The following NT5C1B variants were observed in gnomAD, a reference collection of about 807,000 sequenced individuals.
The protein encoded by NT5C1B is 5'-nucleotidase, cytosolic IB.
In NT5C1B, 44 loss-of-function variants were observed where a neutral mutation model predicts 57.8. That is an observed-to-expected ratio of 0.76 (90% CI 0.60 to 0.98). The LOEUF is 0.98. Among genes scored for constraint, NT5C1B ranks in the 50% least tolerant of loss-of-function variants. The pLI, the probability that NT5C1B is intolerant of heterozygous loss-of-function variation, is 0.00. For missense variants in NT5C1B, 742 were observed against 719.5 expected, an observed-to-expected ratio of 1.03 and a Z score of -0.36; for synonymous variants, 284 against 282.6, an observed-to-expected ratio of 1.00 and a Z score of -0.05.
rs570586550 is a variant in NT5C1B, at chr2:18,581,234, A to G, written c.1021+1634T>C. Among the ~76,000 whole-genome samples, 4 of 152,292 alleles carry G rather than the reference A, an allele frequency of 2.6e-5. No homozygotes were observed. In the South Asian group the frequency reaches 8.3e-4, roughly 32 times the overall value. On this transcript the variant is annotated intron_variant, in intron 6 of 8. Transcript: ENST00000304081. ...CTAGAAAGTGATTTGATGATATGCA[A>G]TATGTATCAAGAGCTTTTAACAGGT... is the stretch of plus-strand genomic sequence containing the variant.
rs77735618 is a variant in NT5C1B, at chr2:18,575,705, G to T, written c.1329+479C>A. ...CAGTTTGATTACATATTCATAATTT[G>T]CACTTGTTTGAGGATCATTATTTGA... On this transcript the variant is annotated intron_variant, in intron 8 of 8. Coordinates refer to ENST00000304081, the Ensembl canonical transcript of NT5C1B. Among the ~76,000 whole-genome samples the T allele has an allele frequency of 7.8e-3, 1,194 of 152,204 alleles. 20 individuals carry two copies. Among genetic ancestry groups the T allele is most frequent in the African/African-American group, 0.027 (1,141 of 41,542 alleles).
At chr2:18,576,239 C>G (rs1359920196) in exon 8 of NT5C1B, 1 of 1,613,616 alleles carries the variant, frequency 6.2e-7, no homozygotes, top group Non-Finnish European at 8.5e-7. Context: ...TTTGTCGAGC[C>G]CATGCTCCTT....
intron 8 of NT5C1B, among the ~76,000 whole-genome samples, chr2:18,570,889 C>T (rs1453891181): frequency 6.6e-6 from 1 of 152,184 alleles, no homozygotes; most frequent in Non-Finnish European, 1.5e-5. Context: ...TCAGCTTTTA[C>T]AAATCCATTA....
chr2:18,587,004 G>A (rs1186048124), intron 2 of NT5C1B: 4 of 1,614,184 alleles, frequency 2.5e-6, no homozygotes, highest in Non-Finnish European at 3.4e-6. Context: ...CCTCATCATG[G>A]TGATCTGCTG....
At chr2:18,576,425 T>C in intron 7 of NT5C1B, 57 bp from the exon 8 acceptor site, 5 of 1,540,644 alleles carry the variant, frequency 3.2e-6, no homozygotes, top group Non-Finnish European at 4.3e-6. Flanking sequence ...TTATAGTTTC[T>C]ACCATTAAAA....
chr2:18,584,695 G>T lies in NT5C1B; in HGVS notation c.542C>A (p.Thr181Asn). 1 of 1,612,362 alleles carries T rather than the reference G, an allele frequency of 6.2e-7. No individual in the cohort carries two copies. Among genetic ancestry groups the T allele is most frequent in the Non-Finnish European group, 8.5e-7 (1 of 1,179,002 alleles). ...GCGCTGGCTGGAGGACTTCCACTCG[G>T]TGGGGGACGTGCGCGAATATTCCAG... The change falls in exon 4 of 9, where the codon ACC becomes AAC. Residue 181 changes from threonine to asparagine, a missense_variant. Physicochemically the swap from Thr to Asn is moderately conservative, Grantham distance 65 (BLOSUM62 0). Transcript: ENST00000304081. This position sits in a 1 kb window ranked among gnomAD's most constrained non-coding sequence, Gnocchi z 5.8.
chr2:18,584,671 C>T lies in NT5C1B; in HGVS notation c.566G>A (p.Arg189His). The change falls in exon 4 of 9, where the codon CGC becomes CAC. Residue 189 changes from arginine to histidine, a missense_variant. By Grantham distance (29) the Arg-to-His change is conservative. Coordinates refer to ENST00000304081, the Ensembl canonical transcript of NT5C1B. The surrounding 1 kb of genome is among the most constrained non-coding windows in gnomAD (Gnocchi z 5.8). ...GGTGGAGGCGGGGTAGATCCCCCTG[C>T]GCTGGCTGGAGGACTTCCACTCGGT... 2 of 1,612,222 alleles carry T rather than the reference C, an allele frequency of 1.2e-6. No homozygotes were observed. Among genetic ancestry groups the T allele is most frequent in the Non-Finnish European group, 8.5e-7 (1 of 1,179,060 alleles).
chr2:18,587,561 C>G, exon 2 of NT5C1B: 1 of 1,613,822 alleles, frequency 6.2e-7, no homozygotes, highest in Non-Finnish European at 8.5e-7. Context: ...TGCTTCTAGA[C>G]TCTCTTTTGA....
chr2:18,572,253 A>C (rs2148112441), intron 8 of NT5C1B, among the ~76,000 whole-genome samples: 1 of 152,306 alleles, frequency 6.6e-6, no homozygotes, highest in Middle Eastern at 3.4e-3. Context: ...AAGGAGGAAA[A>C]ATGAACCACA....
Position 18,589,530 on chromosome 2 carries a change from C to A in NT5C1B, c.-62G>T. 6.2e-7 allele frequency: 1 copy of A among 1,612,332 alleles called. No individual in the cohort carries two copies. Among genetic ancestry groups the A allele is most frequent in the Admixed American group, 1.7e-5 (1 of 59,984 alleles). The stretch of plus-strand genomic sequence containing the variant: ...ATTTTTGTCTCCCCAGCTCCATTTC[C>A]TGTCACTTCCCTTGCTCAGTCTAGC... On this transcript the variant is annotated 5_prime_UTR_variant, in exon 1 of 9. In the 5' UTR this introduces an upstream ATG that the reference lacks. Coordinates refer to ENST00000304081, the Ensembl canonical transcript of NT5C1B.
At chr2:18,586,968 G>T in intron 2 of NT5C1B, 1 of 1,614,040 alleles carries the variant, frequency 6.2e-7, no homozygotes. Flanking sequence ...TTCCCCTCCA[G>T]AATCGGTAGT....
exon 7 of NT5C1B, chr2:18,576,837 C>T (rs770981887): frequency 6.2e-7 from 1 of 1,613,864 alleles, no homozygotes; most frequent in South Asian, 1.1e-5. Flanking sequence ...TAAGATATGC[C>T]TTCAAATAGC....
Position 18,576,757 on chromosome 2 carries a change from A to C in NT5C1B, c.1144+16T>G. 2 of 1,612,218 alleles carry C rather than the reference A, an allele frequency of 1.2e-6. No individual in the cohort carries two copies. Among genetic ancestry groups the C allele is most frequent in the Non-Finnish European group, 1.7e-6 (2 of 1,179,422 alleles). On this transcript the variant is annotated intron_variant, in intron 7 of 8. Transcript: ENST00000304081. Reference sequence around the variant, plus strand: ...AAACCTCTTTATTAACTAGAGGAATAAAATCAGACTAATACCTTCTTGTAT... The same window carrying C: ...AAACCTCTTTATTAACTAGAGGAATCAAATCAGACTAATACCTTCTTGTAT...
rs1295188617 is a variant in NT5C1B, at chr2:18,584,598, C to T, written c.639G>A (p.Glu213=). ...AGGCAGCCTCGTAGTCGTCCTCGTC[C>T]TCCCGCTGCTGCTGCTGCTGCTCGG... The change falls in exon 4 of 9, where the codon GAG becomes GAA. Residue 213 remains glutamate, a synonymous_variant. Coordinates refer to ENST00000304081, the Ensembl canonical transcript of NT5C1B. This position sits in a 1 kb window ranked among gnomAD's most constrained non-coding sequence, Gnocchi z 5.8. 5.0e-6 allele frequency: 8 copies of T among 1,612,584 alleles called. No individual in the cohort carries two copies. The highest frequency in any genetic ancestry group is 1.3e-5 in the African/African-American group (1 of 74,900).
intron 8 of NT5C1B, among the ~76,000 whole-genome samples, chr2:18,566,338 G>A (rs1029711193): frequency 6.6e-6 from 1 of 152,088 alleles, no homozygotes; most frequent in Non-Finnish European, 1.5e-5. Flanking sequence ...TGCTGTCATG[G>A]AAACAAACAG....
intron 6 of NT5C1B, among the ~76,000 whole-genome samples, chr2:18,580,797 A>G (rs1203461990): frequency 6.6e-6 from 1 of 152,224 alleles, no homozygotes; most frequent in Non-Finnish European, 1.5e-5. Flanking sequence ...AGCAACATGG[A>G]TGGAGCTGGA....
chr2:18,588,631 A>G (rs553919749), intron 1 of NT5C1B, among the ~76,000 whole-genome samples: 7 of 152,142 alleles, frequency 4.6e-5, no homozygotes, highest in South Asian at 4.2e-4. Flanking sequence ...TTCTATCTCT[A>G]TTATCATTGC....
At chr2:18,567,693 C>G (rs1258129655) in intron 8 of NT5C1B, among the ~76,000 whole-genome samples, 1 of 152,158 alleles carries the variant, frequency 6.6e-6, no homozygotes, top group Non-Finnish European at 1.5e-5. Flanking sequence ...TTGATTCAAT[C>G]TATCACAATA....
intron 8 of NT5C1B, among the ~76,000 whole-genome samples, chr2:18,573,792 G>A (rs564860095): frequency 6.6e-6 from 1 of 152,184 alleles, no homozygotes; most frequent in South Asian, 2.1e-4. Flanking sequence ...TGGCCTTTAT[G>A]GAAAATCATC....
Sources: gnomAD v4.1 joint callset for allele counts (sites outside exome capture counted in the v4.1 genomes callset) on GRCh38, gnomAD v4.1.1 for gene constraint, Gnocchi (gnomAD v3.1) non-coding constraint, MANE v1.5 for transcripts, NCBI Gene and HGNC (gene_info 2026-07-23, HGNC 2026-07-21) for gene names.